The following TRPM3 variants were observed in gnomAD, a reference collection of about 807,000 sequenced individuals.
TRPM3 encodes transient receptor potential cation channel subfamily M member 3.
TRPM3 carries 77 observed loss-of-function variants against 181.2 expected under a neutral mutation model. That is an observed-to-expected ratio of 0.42 (90% CI 0.35 to 0.51). The LOEUF is 0.51. Among genes scored for constraint, TRPM3 ranks in the 20% least tolerant of loss-of-function variants. TRPM3 has a pLI of 0.01. For synonymous variants in TRPM3, 745 were observed against 796.4 expected, an observed-to-expected ratio of 0.94 and a Z score of 1.09; for missense variants, 1,759 against 2,196.7, an observed-to-expected ratio of 0.80 and a Z score of 3.98.
chr9:70,615,575 C>T (rs551552389), intron 18 of TRPM3, among the ~76,000 whole-genome samples: 4 of 152,200 alleles, frequency 2.6e-5, no homozygotes, highest in Non-Finnish European at 5.9e-5. Flanking sequence ...CCCTTTCCTT[C>T]TCTGTGTGCT....
chr9:71,174,542 C>CAA (rs200821091), intron 1 of TRPM3, among the ~76,000 whole-genome samples: 13 of 142,148 alleles, frequency 9.1e-5, no homozygotes, highest in African/African-American at 2.8e-4. Flanking sequence ...ACTCCATCTC[C>CAA]AAAAAAAAAA....
At chr9:71,433,638 T>C (rs1168174784) in intron 1 of TRPM3, among the ~76,000 whole-genome samples, 1 of 152,236 alleles carries the variant, frequency 6.6e-6, no homozygotes, top group African/African-American at 2.4e-5. Context: ...GAACAAGTGC[T>C]GCAATTTTAA....
In TRPM3 at chr9:70,948,038, T is replaced by A. The variant is rs1290577487; in HGVS notation, c.178-83527A>T. ...CAGGAATACCACATAATTCCTTAAC[T>A]TGATTTTATAAAAAAACACCAGCCT... On this transcript the variant is annotated intron_variant, in intron 1 of 25. Coordinates refer to ENST00000677713, the MANE Select transcript of TRPM3 (RefSeq NM_001366145.2). 5.9e-5 allele frequency among the ~76,000 whole-genome samples: 9 copies of A among 152,222 alleles called. No homozygotes were observed. In the South Asian group the frequency reaches 1.2e-3, roughly 21 times the overall value.
chr9:70,960,123 CT>C (rs56670058), intron 1 of TRPM3, among the ~76,000 whole-genome samples: 10,448 of 141,302 alleles, frequency 0.074, 504 homozygotes, highest in African/African-American at 0.15. Context: ...AACTCTCGTT[CT>C]TTTTTTTTTT....
At chr9:71,261,680 G>C (rs143606404) in intron 1 of TRPM3, among the ~76,000 whole-genome samples, 97 of 152,274 alleles carry the variant, frequency 6.4e-4, no homozygotes, top group African/African-American at 2.3e-3. Context: ...CTTTCGAATG[G>C]AGTTTGCATG....
chr9:70,795,832 G>A (rs904925143), intron 6 of TRPM3, among the ~76,000 whole-genome samples: 2 of 152,178 alleles, frequency 1.3e-5, no homozygotes, highest in African/African-American at 4.8e-5. Flanking sequence ...GAAATATTCC[G>A]CTATTAATGT....
intron 8 of TRPM3, among the ~76,000 whole-genome samples, chr9:70,751,672 A>G (rs1340633973): frequency 1.3e-5 from 2 of 152,314 alleles, no homozygotes; most frequent in East Asian, 3.9e-4. Flanking sequence ...TAGAAAAGAC[A>G]GAAGTAGAAC....
chr9:71,259,672 G>T (rs758792213), intron 1 of TRPM3, among the ~76,000 whole-genome samples: 8 of 151,626 alleles, frequency 5.3e-5, no homozygotes, highest in East Asian at 3.9e-4. Flanking sequence ...TTGCATGTTT[G>T]TTGGCCACAT....
chr9:71,340,832 G>A (rs992324846), intron 1 of TRPM3, among the ~76,000 whole-genome samples: 2 of 152,000 alleles, frequency 1.3e-5, no homozygotes. Context: ...AGAAACCAGG[G>A]CTCCTTGTAG....
At chr9:71,445,280 A>C (rs543957683) in intron 1 of TRPM3, among the ~76,000 whole-genome samples, 1 of 152,248 alleles carries the variant, frequency 6.6e-6, no homozygotes, top group Non-Finnish European at 1.5e-5. Flanking sequence ...TTTTTAGTTC[A>C]CATACTTGAT....
chr9:70,638,011 A>C (rs2057488632), intron 11 of TRPM3, among the ~76,000 whole-genome samples: 1 of 152,152 alleles, frequency 6.6e-6, no homozygotes, highest in South Asian at 2.1e-4. Flanking sequence ...TATAATAATA[A>C]TCACAATAAT....
intron 1 of TRPM3, among the ~76,000 whole-genome samples, chr9:70,891,092 G>T (rs1381116486): frequency 6.6e-6 from 1 of 152,156 alleles, no homozygotes; most frequent in African/African-American, 2.4e-5. Context: ...AATGGGTGCA[G>T]CACACCAACA....
intron 1 of TRPM3, among the ~76,000 whole-genome samples, chr9:71,290,698 A>G (rs780546041): frequency 3.9e-5 from 6 of 152,140 alleles, no homozygotes; most frequent in Admixed American, 6.6e-5. Context: ...TAATCAAGAT[A>G]TTGCTAAAAT....
At chr9:71,349,612 A>G (rs1448822417) in intron 1 of TRPM3, among the ~76,000 whole-genome samples, 1 of 152,252 alleles carries the variant, frequency 6.6e-6, no homozygotes, top group Admixed American at 6.5e-5. Flanking sequence ...CAAAACCTAC[A>G]TGTAAAGTTA....
chr9:71,309,239 C>T (rs1402601366), intron 1 of TRPM3, among the ~76,000 whole-genome samples: 2 of 152,124 alleles, frequency 1.3e-5, no homozygotes, highest in Non-Finnish European at 2.9e-5. Flanking sequence ...GTTTAGGACA[C>T]CTAGATTTCT....
chr9:70,946,307 A>T (rs552067059), intron 1 of TRPM3, among the ~76,000 whole-genome samples: 6 of 152,086 alleles, frequency 3.9e-5, no homozygotes, highest in African/African-American at 1.4e-4. Flanking sequence ...AGGAAGCAGC[A>T]TGTTATACTG....
At chr9:71,013,742 T>G (rs1347867334) in intron 1 of TRPM3, among the ~76,000 whole-genome samples, 2 of 152,040 alleles carry the variant, frequency 1.3e-5, no homozygotes, top group East Asian at 3.8e-4. Flanking sequence ...GATTTTTAAA[T>G]TTTCATTATT....
chr9:70,653,768 C>T (rs2059916668), intron 9 of TRPM3, among the ~76,000 whole-genome samples: 3 of 151,562 alleles, frequency 2.0e-5, no homozygotes. Flanking sequence ...TCACCATCTG[C>T]TTTACTAAAA....
chr9:71,145,863 T>G (rs2075374388), intron 1 of TRPM3, among the ~76,000 whole-genome samples: 2 of 151,964 alleles, frequency 1.3e-5, no homozygotes, highest in South Asian at 4.1e-4. Flanking sequence ...AAATTAAACA[T>G]TAAAATTCCC....
Sources: allele counts gnomAD v4.1 joint callset (sites outside exome capture counted in the v4.1 genomes callset), GRCh38; gene constraint gnomAD v4.1.1; transcripts MANE v1.5; gene names NCBI Gene and HGNC (gene_info 2026-07-23, HGNC 2026-07-21).